SACS: variants seen among roughly 807,000 people sequenced by gnomAD.
The protein encoded by SACS is sacsin.
In SACS, 197 loss-of-function variants were observed where a neutral mutation model predicts 348.0. That is an observed-to-expected ratio of 0.57 (90% CI 0.50 to 0.64). SACS has a LOEUF of 0.64. Ranked by LOEUF, SACS falls within the 30% of genes least tolerant of loss-of-function variation. The pLI, the probability that SACS is intolerant of heterozygous loss-of-function variation, is 0.00. For synonymous variants in SACS, 1,985 were observed against 1,910.6 expected (o/e 1.04, Z -1.02); for missense variants, 4,999 against 5,360.8 (o/e 0.93, Z 2.11).
At chr13:23,370,995 A>T in intron 4 of SACS, 83 bp downstream of exon 4, 1 of 927,556 alleles carries the variant, frequency 1.1e-6, no homozygotes, top group Admixed American at 2.1e-5. Flanking sequence ...CAGTTTCAAA[A>T]ACCAACCAAA....
At chr13:23,365,503 T>G (rs528869494) in intron 5 of SACS, among the ~76,000 whole-genome samples, 1 of 152,350 alleles carries the variant, frequency 6.6e-6, no homozygotes, top group Admixed American at 6.5e-5. Flanking sequence ...ACTTAAATTT[T>G]GTCTTTTAAT....
rs1351288033 is a variant in SACS at position 23,337,514 on chromosome 13, G to A, written c.6362C>T (p.Ala2121Val). ...CCCATCTTTAATATCAAATAACTTT[G>A]CAACTCGTCCTTCGGGGTGGATCAA... ...SRLIHPEGRV[A>V]KLFDIKDGRF... Residue 2121 changes from alanine to valine, a missense_variant, in exon 10 of 10, where the codon GCA becomes GTA. Around this residue, in one of 6 missense-constraint regions of SACS, gnomAD observed 3,156 missense variants for 3,380.1 expected, o/e 0.93. Coordinates refer to ENST00000382292, the MANE Select transcript of SACS (RefSeq NM_014363.6). The A allele has an allele frequency of 9.3e-6, 15 of 1,613,784 alleles. No individual in the cohort carries two copies. The highest frequency in any genetic ancestry group is 1.3e-5 in the African/African-American group (1 of 74,902).
In SACS at chr13:23,335,786, A is replaced by C; in HGVS notation, c.8090T>G (p.Met2697Arg). Residue 2697 changes from methionine to arginine, a missense_variant, in exon 10 of 10, where the codon ATG becomes AGG. Coordinates refer to ENST00000382292, the MANE Select transcript of SACS (RefSeq NM_014363.6). This position sits in a 1 kb window ranked among gnomAD's most constrained non-coding sequence, Gnocchi z 4.7. Reference sequence around the variant, plus strand: ...TGCATTACGAAGAGGAAATCTGAACATTGTGCAATTATCCAGTTTAAAATG... The same window carrying C: ...TGCATTACGAAGAGGAAATCTGAACCTTGTGCAATTATCCAGTTTAAAATG... ...GTHFKLDNCT[M>R]FRFPLRNAEM... The C allele has an allele frequency of 1.2e-6, 2 of 1,614,060 alleles. No individual in the cohort carries two copies. The highest frequency in any genetic ancestry group is 1.7e-6 in the Non-Finnish European group (2 of 1,179,928).
chr13:23,404,847 T>C (rs1184596469), intron 2 of SACS, among the ~76,000 whole-genome samples: 2 of 152,130 alleles, frequency 1.3e-5, no homozygotes, highest in African/African-American at 4.8e-5. Flanking sequence ...GAATACACCT[T>C]ACATGGGATG....
chr13:23,382,562 C>T (rs1164471925), intron 2 of SACS, among the ~76,000 whole-genome samples: 3 of 151,984 alleles, frequency 2.0e-5, no homozygotes, highest in Non-Finnish European at 4.4e-5. Flanking sequence ...TCTGAATCAT[C>T]AAAAATGAAT....
intron 1 of SACS, among the ~76,000 whole-genome samples, chr13:23,424,900 C>T (rs1007898775): frequency 2.0e-5 from 3 of 152,178 alleles, no homozygotes; most frequent in Admixed American, 2.0e-4. Flanking sequence ...GGTTATTAGG[C>T]CTATATATGA....
intron 2 of SACS, 57 bp from the exon 3 acceptor site, chr13:23,375,326 G>A (rs1020974129): frequency 3.7e-6 from 5 of 1,352,320 alleles, no homozygotes; most frequent in Non-Finnish European, 4.8e-6. Flanking sequence ...CCCGCCCAGC[G>A]CCCGCGCGGC....
intron 6 of SACS, among the ~76,000 whole-genome samples, chr13:23,362,898 A>AT (rs1408104300): frequency 1.4e-5 from 2 of 142,844 alleles, no homozygotes; most frequent in African/African-American, 5.3e-5. Context: ...CATTTATTTC[A>AT]TTTTTTATTT....
chr13:23,332,610 A>G lies in SACS; in HGVS notation c.11266T>C (p.Cys3756Arg). 6.2e-7 allele frequency: 1 copy of G among 1,613,600 alleles called. No homozygotes were observed. Among genetic ancestry groups the G allele is most frequent in the East Asian group, 2.2e-5 (1 of 44,872 alleles). Residue 3756 changes from cysteine (C) to arginine (R), a missense_variant, in exon 10 of 10, where the codon TGC becomes CGC. Physicochemically the swap from Cys to Arg is radical, Grantham distance 180. Around this residue, in one of 6 missense-constraint regions of SACS, gnomAD observed 831 missense variants for 941.8 expected, o/e 0.88. Transcript: ENST00000382292. ...TCTTCATCCAACGTCGTTATGTTGCATATGTTTCTGCAGTTATTGATTACC... is the reference window on the plus strand; with the variant it reads ...TCTTCATCCAACGTCGTTATGTTGCGTATGTTTCTGCAGTTATTGATTACC... ...DKVINNCRNI[C>R]NITTLDEEMV...
In SACS at chr13:23,365,177, G is replaced by A. The variant is rs370474035; in HGVS notation, c.446C>T (p.Ala149Val). The A allele has an allele frequency of 7.6e-5, 122 of 1,606,828 alleles. No homozygotes were observed. The highest frequency in any genetic ancestry group is 9.4e-5 in the Non-Finnish European group (111 of 1,175,234). ...TTATTGATTCTTACCCTGATATGGC[G>A]CCATATCTTTTGACCAAAGAGTCTC... ...GTETLWSKDM[A>V]PYQGPALYVY... is the part of the protein sequence containing the mutation. Residue 149 changes from alanine to valine, a missense_variant, in exon 6 of 10, where the codon GCG (alanine) becomes GTG (valine). By Grantham distance (64) the Ala-to-Val change is moderately conservative. Coordinates refer to ENST00000382292, the MANE Select transcript of SACS (RefSeq NM_014363.6).
intron 6 of SACS, among the ~76,000 whole-genome samples, chr13:23,364,482 C>T (rs534301325): frequency 6.6e-6 from 1 of 152,106 alleles, no homozygotes; most frequent in Non-Finnish European, 1.5e-5. Flanking sequence ...GGTTTTGCCA[C>T]GTTCGCCAGG....
chr13:23,332,792 T>A lies in SACS; in HGVS notation c.11084A>T (p.Asp3695Val). The change falls in exon 10 of 10, where the codon GAT (aspartate) becomes GTT (valine). Residue 3695 changes from aspartate to valine, a missense_variant. Physicochemically the swap from Asp to Val is radical, Grantham distance 152 (BLOSUM62 -3). Transcript: ENST00000382292. ...GGATGTCCATAACAGCTGGAGTACA[T>A]CACATTGCTTGAATTTTGGATTTAC... Reference protein sequence around the residue: ...AQVNPKFKQCDVLQLLWTSCP... With the variant: ...AQVNPKFKQCVVLQLLWTSCP... 2 of 1,613,926 alleles carry A rather than the reference T, an allele frequency of 1.2e-6. No homozygotes were observed. The highest frequency in any genetic ancestry group is 3.3e-5 in the Admixed American group (2 of 60,022).
intron 6 of SACS, among the ~76,000 whole-genome samples, chr13:23,361,874 T>G (rs9550960): frequency 0.18 from 28,066 of 151,918 alleles, 2,865 homozygotes; most frequent in East Asian, 0.34. Flanking sequence ...CTGCAGTCTA[T>G]TTCCCCCTTT....
In SACS at chr13:23,331,416, G is replaced by T. The variant is rs1321309697; in HGVS notation, c.12460C>A (p.Pro4154Thr). Residue 4154 changes from proline (P) to threonine (T), a missense_variant, in exon 10 of 10, where the codon CCA becomes ACA. By Grantham distance (38) the Pro-to-Thr change is conservative (BLOSUM62 -1). This residue lies in a region of SACS where 831 missense variants were observed against 941.8 expected (regional missense o/e 0.88). Transcript: ENST00000382292. ...GCAGGAATTGGTGTGCCAGGCATTG[G>T]AAGTTCCAGTTTTGATGGCTCCGAA... Reference protein sequence around the residue: ...DSSEPSKLELPMPGTPIPAEI... With the variant: ...DSSEPSKLELTMPGTPIPAEI... The T allele has an allele frequency of 6.2e-7, 1 of 1,613,954 alleles. No individual in the cohort carries two copies. Among genetic ancestry groups the T allele is most frequent in the Non-Finnish European group, 8.5e-7 (1 of 1,179,956 alleles).
chr13:23,375,527 C>A, intron 2 of SACS: 2 of 1,090,750 alleles, frequency 1.8e-6, no homozygotes, highest in African/African-American at 1.7e-5. Flanking sequence ...GAGGAAGCCG[C>A]GGCGGCCGAG....
At chr13:23,412,520 T>C (rs1873535441) in intron 1 of SACS, among the ~76,000 whole-genome samples, 1 of 151,762 alleles carries the variant, frequency 6.6e-6, no homozygotes, top group Non-Finnish European at 1.5e-5. Context: ...TTCAAGTGAT[T>C]CTTCTGCCTC....
At position 23,353,829 on chromosome 13, in the gene SACS, T is replaced by C; in HGVS notation, c.2141A>G (p.Lys714Arg). Residue 714 changes from lysine to arginine, a missense_variant, in exon 9 of 10, where the codon AAA (lysine) becomes AGA (arginine). Lys to Arg is a conservative substitution (Grantham distance 26, BLOSUM62 2). Transcript: ENST00000382292. ...LEGRFILDNL[K>R]PHLVAALKEA... ...CTTTAAAGCAGCCACAAGGTGAGGT[T>C]TCAAGTTATCCAAAATAAATCTTCC... 6.2e-7 allele frequency: 1 copy of C among 1,611,646 alleles called. No individual in the cohort carries two copies.
At chr13:23,427,717 A>G (rs1031376849) in intron 1 of SACS, 1 of 152,238 alleles carries the variant, frequency 6.6e-6, no homozygotes. Flanking sequence ...GAGGCAGGAG[A>G]AGAGTGTGGG....
At chr13:23,351,270 G>A (rs761655650) in intron 9 of SACS, among the ~76,000 whole-genome samples, 30 of 152,256 alleles carry the variant, frequency 2.0e-4, no homozygotes, top group Non-Finnish European at 4.0e-4. Context: ...AAAAATAAGT[G>A]GGAAGATACC....
Sources: gnomAD v4.1 joint callset for allele counts (sites outside exome capture counted in the v4.1 genomes callset) on GRCh38, gnomAD v4.1.1 for gene constraint, gnomAD v4.1.1 regional missense constraint, Gnocchi (gnomAD v3.1) non-coding constraint, MANE v1.5 for transcripts, NCBI Gene and HGNC (gene_info 2026-07-23, HGNC 2026-07-21) for gene names.